SERF2: variants seen among roughly 807,000 people sequenced by gnomAD.
SERF2 encodes the protein gastric cancer-related protein VRG107.
Under a neutral mutation model 10.7 loss-of-function variants are expected in SERF2, and 4 were observed. That is an observed-to-expected ratio of 0.37 (90% confidence interval 0.18 to 0.86). The LOEUF is 0.86. Ranked by LOEUF, SERF2 falls within the 40% of genes least tolerant of loss-of-function variation. The probability of loss-of-function intolerance (pLI) is 0.43; values close to 1 mark genes in which losing one functional copy is unlikely to be tolerated. For synonymous variants in SERF2, 26 were observed against 26.0 expected (o/e 1.00, Z 0.01); for missense variants, 47 against 79.1 (o/e 0.59, Z 1.54).
chr15:43,789,928 G>A (rs1463669902), upstream of SERF2, among the ~76,000 whole-genome samples: 1 of 152,068 alleles, frequency 6.6e-6, no homozygotes, highest in Non-Finnish European at 1.5e-5. Context: ...ATCACCTGAG[G>A]TCAGGAGTTT....
upstream of SERF2, among the ~76,000 whole-genome samples, chr15:43,791,071 C>G (rs1271939344): frequency 1.4e-5 from 2 of 146,834 alleles, no homozygotes; most frequent in Non-Finnish European, 3.0e-5. Flanking sequence ...CCCAGCCTTT[C>G]TTATTAACTC....
chr15:43,793,833 C>A lies in SERF2; in HGVS notation c.*60C>A, dbSNP rs773900330. On this transcript the variant is annotated 3_prime_UTR_variant, in exon 3 of 3. Transcript: ENST00000249786. ...GCCTGTGTGCCTGGAGCCAGTCCCA[C>A]CACGCTCGCGTTTCCTCCTGTAGTG... The A allele has an allele frequency of 6.2e-7, 1 of 1,613,858 alleles. No individual in the cohort carries two copies. The highest frequency in any genetic ancestry group is 1.7e-5 in the Admixed American group (1 of 59,980).
At chr15:43,792,700 A>G in intron 1 of SERF2, 1 of 1,113,046 alleles carries the variant, frequency 9.0e-7, no homozygotes, top group East Asian at 2.7e-5. Flanking sequence ...AACCGTCCAC[A>G]CACACCTTGC....
intron 2 of SERF2, among the ~76,000 whole-genome samples, chr15:43,786,951 G>A (rs2087012242): frequency 6.6e-6 from 1 of 151,114 alleles, no homozygotes; most frequent in Non-Finnish European, 1.5e-5. Flanking sequence ...ACCAATAACT[G>A]TTACCAGGTG....
At chr15:43,792,610 G>C in intron 1 of SERF2, 1 of 1,436,562 alleles carries the variant, frequency 7.0e-7, no homozygotes, top group Non-Finnish European at 9.1e-7. Context: ...ATCTTCCGCG[G>C]TGTAAGGAGA....
At chr15:43,780,890 T>G (rs1567163611) in intron 1 of SERF2, among the ~76,000 whole-genome samples, 1 of 152,290 alleles carries the variant, frequency 6.6e-6, no homozygotes, top group East Asian at 1.9e-4. Flanking sequence ...TTTTTCACAA[T>G]TTCACGAATA....
chr15:43,779,279 GAGA>G (rs2086947729), intron 1 of SERF2, among the ~76,000 whole-genome samples: 2 of 152,228 alleles, frequency 1.3e-5, no homozygotes, highest in East Asian at 3.9e-4. Flanking sequence ...AACTGAGAGA[GAGA>G]ATGAGGGAGG....
At position 43,792,999 on chromosome 15, in the gene SERF2, G is replaced by A. The variant is rs1176444433; in HGVS notation, c.32G>A (p.Arg11His). 1 of 1,610,122 alleles carries A rather than the reference G, an allele frequency of 6.2e-7. No individual in the cohort carries two copies. Among genetic ancestry groups the A allele is most frequent in the Admixed American group, 1.7e-5 (1 of 59,840 alleles). Residue 11 changes from arginine (R) to histidine (H), a missense_variant, in exon 2 of 3, where the codon CGC (arginine) becomes CAC (histidine). Physicochemically the swap from Arg to His is conservative, Grantham distance 29 (BLOSUM62 0). Transcript: ENST00000249786. ...GGCGGTAACCAGCGTGAGCTCGCCC[G>A]CCAGAAGAATATGAAAAAGCAGAGC... MTRGNQRELARQKNMKKQSDS... is the reference protein window; with the variant it reads MTRGNQRELAHQKNMKKQSDS...
upstream of SERF2, among the ~76,000 whole-genome samples, chr15:43,787,698 A>G (rs531422143): frequency 3.1e-3 from 458 of 148,666 alleles, 4 homozygotes; most frequent in African/African-American, 0.011. Flanking sequence ...TTGCCCAGCC[A>G]GAATTTTTTT....
At chr15:43,785,670 G>T (rs892718150) in intron 2 of SERF2, 1 of 139,542 alleles carries the variant, frequency 7.2e-6, no homozygotes, top group African/African-American at 2.7e-5. Flanking sequence ...CAACTGAATT[G>T]TTTCTGTATC....
chr15:43,783,157 G>A (rs2086978255), intron 1 of SERF2, among the ~76,000 whole-genome samples: 1 of 151,692 alleles, frequency 6.6e-6, no homozygotes, highest in African/African-American at 2.4e-5. Flanking sequence ...ACAGGCATAC[G>A]CCACCACACT....
intron 1 of SERF2, among the ~76,000 whole-genome samples, chr15:43,784,531 C>T (rs1238027767): frequency 6.6e-6 from 1 of 151,762 alleles, no homozygotes; most frequent in African/African-American, 2.4e-5. Context: ...TGCAGTGGCG[C>T]GATCTCGGCT....
rs757852888 is a variant in SERF2, at chr15:43,795,948, ATACC to A, written c.*2181_*2184del. ...TTTCTCCATTTGTAAAATGGAGCAA[ATACC>A]TACCTCACAGGGTTGTTGTGAGGGT... On this transcript the variant is annotated 3_prime_UTR_variant, in exon 3 of 3. Coordinates refer to ENST00000249786, the MANE Select transcript of SERF2 (RefSeq NM_001018108.4). 1.0e-4 allele frequency: 67 copies of A among 642,674 alleles called. 2 individuals are homozygous for A. The South Asian group carries it at 1.3e-3, about 12-fold the overall frequency. 39.8% of individuals were successfully genotyped at this position (642,674 alleles called of 1,614,324 possible).
chr15:43,791,461 T>A (rs1173371724), upstream of SERF2, among the ~76,000 whole-genome samples: 2 of 151,514 alleles, frequency 1.3e-5, no homozygotes, highest in Non-Finnish European at 2.9e-5. Flanking sequence ...GGTCTCGAAC[T>A]CCTGACCTTC....
chr15:43,791,536 T>G (rs969403516), upstream of SERF2, among the ~76,000 whole-genome samples: 2 of 152,146 alleles, frequency 1.3e-5, no homozygotes, highest in Non-Finnish European at 2.9e-5. Context: ...CGCCCGGCCC[T>G]CCAGGGTCTT....
chr15:43,777,963 CAT>C (rs1491114965), intron 1 of SERF2: 6 of 103,904 alleles, frequency 5.8e-5, no homozygotes, highest in East Asian at 3.8e-4. Context: ...AAAAAAAATA[CAT>C]TTTTTTTTTT....
upstream of SERF2, among the ~76,000 whole-genome samples, chr15:43,789,287 T>A (rs1487893916): frequency 6.6e-6 from 1 of 152,186 alleles, no homozygotes; most frequent in East Asian, 1.9e-4. Context: ...CACACCACCC[T>A]GCTCATTAGG....
At position 43,778,700 on chromosome 15, in the gene SERF2, G is replaced by A. The variant is rs142405562; in HGVS notation, c.-527+1198G>A. Reference sequence around the variant, plus strand: ...GGATTACCTGAGCTCAGGAGTTCGAGACCACCCAGGGCAACATGGTGAAAC... The same window carrying A: ...GGATTACCTGAGCTCAGGAGTTCGAAACCACCCAGGGCAACATGGTGAAAC... On this transcript the variant is annotated intron_variant, in intron 1 of 4. Transcript: ENST00000381359. Among the ~76,000 whole-genome samples, 37 of 149,298 alleles carry A rather than the reference G, an allele frequency of 2.5e-4. No individual in the cohort carries two copies. The East Asian group carries it at 6.7e-3, about 27-fold the overall frequency.
intron 1 of SERF2, among the ~76,000 whole-genome samples, chr15:43,781,464 A>C (rs2086963401): frequency 6.6e-6 from 1 of 152,124 alleles, no homozygotes; most frequent in South Asian, 2.1e-4. Flanking sequence ...AGACAGGAGA[A>C]TCACTTCAAC....
Sources: allele counts gnomAD v4.1 joint callset (sites outside exome capture counted in the v4.1 genomes callset), GRCh38; gene constraint gnomAD v4.1.1; transcripts MANE v1.5; gene names NCBI Gene and HGNC (gene_info 2026-07-23, HGNC 2026-07-21).